The following TMPRSS2 variants were observed in gnomAD, a reference collection of about 807,000 sequenced individuals.
TMPRSS2 encodes the protein transmembrane protease serine 2.
Under a neutral mutation model 67.4 loss-of-function variants are expected in TMPRSS2, and 59 were observed. The observed-to-expected ratio is 0.88, with a 90% CI of 0.71 to 1.09. TMPRSS2 has a LOEUF of 1.09. TMPRSS2 is among the 50% of genes least tolerant of loss of function. The pLI is 0.00. For synonymous variants in TMPRSS2, 257 were observed against 257.0 expected, an observed-to-expected ratio of 1.00 and a Z score of 0.00; for missense variants, 668 against 642.7, an observed-to-expected ratio of 1.04 and a Z score of -0.43.
intron 1 of TMPRSS2, among the ~76,000 whole-genome samples, chr21:41,505,834 G>A (rs1485617483): frequency 6.6e-6 from 1 of 152,166 alleles, no homozygotes; most frequent in Non-Finnish European, 1.5e-5. Context: ...TGTCACTAAA[G>A]CCCCTTCTAA....
At chr21:41,483,899 G>C (rs1399627247) in intron 5 of TMPRSS2, among the ~76,000 whole-genome samples, 2 of 151,954 alleles carry the variant, frequency 1.3e-5, no homozygotes, top group African/African-American at 4.8e-5. Flanking sequence ...GAAGGGCAAG[G>C]CGGGAGGATC....
chr21:41,468,006 T>A, intron 12 of TMPRSS2, 120 bp from the exon 13 acceptor site: 1 of 1,076,708 alleles, frequency 9.3e-7, no homozygotes, highest in Non-Finnish European at 1.4e-6. Context: ...AGTGACTGTG[T>A]GGGCTTCGAA....
intron 12 of TMPRSS2, 51 bp downstream of exon 12, chr21:41,468,345 G>A (rs113438095): frequency 6.8e-6 from 11 of 1,605,886 alleles, no homozygotes; most frequent in African/African-American, 6.7e-5. Flanking sequence ...CTCATGGGGG[G>A]TTCAGTAGGA....
intron 5 of TMPRSS2, among the ~76,000 whole-genome samples, chr21:41,485,330 A>C (rs1202874416): frequency 6.6e-6 from 1 of 152,114 alleles, no homozygotes; most frequent in Non-Finnish European, 1.5e-5. Context: ...TTATTCACCC[A>C]CATGTGCACA....
intron 1 of TMPRSS2, among the ~76,000 whole-genome samples, chr21:41,499,852 T>C (rs2091411521): frequency 6.6e-6 from 1 of 152,194 alleles, no homozygotes; most frequent in South Asian, 2.1e-4. Flanking sequence ...AGGGCTTTTT[T>C]CCACCCCTTC....
chr21:41,480,657 G>C (rs2091250084), intron 5 of TMPRSS2, 55 bp from the exon 6 acceptor site: 1 of 1,588,926 alleles, frequency 6.3e-7, no homozygotes, highest in Non-Finnish European at 8.6e-7. Context: ...TCTTTTTTTT[G>C]AGACGGAGTC....
chr21:41,471,557 C>A (rs1366658007), intron 10 of TMPRSS2, among the ~76,000 whole-genome samples: 1 of 152,158 alleles, frequency 6.6e-6, no homozygotes, highest in Non-Finnish European at 1.5e-5. Context: ...CCTGTTCTAG[C>A]CTTTTCCATG....
chr21:41,489,425 C>T (rs2091320014), intron 4 of TMPRSS2, 82 bp downstream of exon 4: 5 of 1,217,316 alleles, frequency 4.1e-6, no homozygotes, highest in Non-Finnish European at 5.9e-6. Flanking sequence ...CCAGAGGTCT[C>T]AATAGCCCAG....
At chr21:41,480,327 CA>C in intron 6 of TMPRSS2, 148 bp downstream of exon 6, 1 of 1,338,002 alleles carries the variant, frequency 7.5e-7, no homozygotes, top group Non-Finnish European at 1.0e-6. Flanking sequence ...GGACAAATTC[CA>C]CCTGCTGGTT....
chr21:41,482,743 A>G (rs372703935), intron 5 of TMPRSS2, among the ~76,000 whole-genome samples: 1 of 152,248 alleles, frequency 6.6e-6, no homozygotes, highest in East Asian at 1.9e-4. Flanking sequence ...ACAACGGAAT[A>G]TTATTTGGTG....
chr21:41,475,829 G>A (rs1263888799), intron 8 of TMPRSS2, among the ~76,000 whole-genome samples: 1 of 151,760 alleles, frequency 6.6e-6, no homozygotes, highest in African/African-American at 2.4e-5. Flanking sequence ...ATGGGCAGAG[G>A]GCAGGGCGGG....
chr21:41,493,867 C>T (rs1314343666), intron 3 of TMPRSS2, among the ~76,000 whole-genome samples: 1 of 152,260 alleles, frequency 6.6e-6, no homozygotes, highest in Non-Finnish European at 1.5e-5. Context: ...CCCAATGAGA[C>T]AGCTCAGATA....
intron 5 of TMPRSS2, among the ~76,000 whole-genome samples, chr21:41,483,683 A>G (rs1413327766): frequency 1.3e-5 from 2 of 150,180 alleles, no homozygotes; most frequent in East Asian, 3.9e-4. Context: ...AATTTTAGGG[A>G]TTTTCTTTCC....
At chr21:41,492,231 C>A (rs1274689267) in intron 3 of TMPRSS2, among the ~76,000 whole-genome samples, 1 of 151,970 alleles carries the variant, frequency 6.6e-6, no homozygotes, top group African/African-American at 2.4e-5. Context: ...AAAAAACCCA[C>A]GCACACAAAA....
At chr21:41,497,169 AT>A (rs2146492530) in intron 2 of TMPRSS2, among the ~76,000 whole-genome samples, 1 of 152,248 alleles carries the variant, frequency 6.6e-6, no homozygotes, top group Non-Finnish European at 1.5e-5. Flanking sequence ...ACCTCAGAGA[AT>A]GACAGCAAGT....
chr21:41,485,190 C>T (rs1430805670), intron 5 of TMPRSS2, among the ~76,000 whole-genome samples: 1 of 151,484 alleles, frequency 6.6e-6, no homozygotes, highest in Non-Finnish European at 1.5e-5. Context: ...ACAGCATACC[C>T]TTTTGTACTT....
In TMPRSS2 at chr21:41,489,560, AG is replaced by A; in HGVS notation, c.271del (p.Leu91TrpfsTer28). 1 of 1,614,200 alleles carries A rather than the reference AG, an allele frequency of 6.2e-7. No individual in the cohort carries two copies. Among genetic ancestry groups the A allele is most frequent in the Non-Finnish European group, 8.5e-7 (1 of 1,180,020 alleles). ...CGCAGCTCCCACGAGGAAGGTCCCC[AG>A]GGTCAAGGTGATGCACAGTGCTTTC... ...TKKALCITLT[L>X]GTFLVGAALA... On this transcript the variant is annotated frameshift_variant, in exon 4 of 14. Coordinates refer to ENST00000332149, the MANE Select transcript of TMPRSS2 (RefSeq NM_005656.4). LOFTEE classifies it high-confidence loss of function.
rs545726689 is a variant in TMPRSS2 at position 41,471,868 on chromosome 21, T to A, written c.1013A>T (p.Asp338Val). The change falls in exon 10 of 14, where the codon GAC (aspartate) becomes GTC (valine). Residue 338 changes from aspartate (D) to valine (V), a missense_variant. Asp to Val is a radical substitution (Grantham distance 152). Transcript: ENST00000332149. ...VEKVISHPNY[D>V]SKTKNNDIAL... Reference sequence around the variant, plus strand: ...AATGTCATTGTTCTTGGTCTTGGAGTCATAATTTGGATGAGAAATCACTTT... The same window carrying A: ...AATGTCATTGTTCTTGGTCTTGGAGACATAATTTGGATGAGAAATCACTTT... 2 of 1,613,420 alleles carry A rather than the reference T, an allele frequency of 1.2e-6. No individual in the cohort carries two copies. The highest frequency in any genetic ancestry group is 2.2e-5 in the South Asian group (2 of 91,058).
chr21:41,466,040 A>C lies in TMPRSS2; in HGVS notation c.*102T>G. 7.1e-7 allele frequency: 1 copy of C among 1,411,780 alleles called. No individual in the cohort carries two copies. The highest frequency in any genetic ancestry group is 1.2e-5 in the South Asian group (1 of 83,114). 87.5% of individuals were successfully genotyped at this position (1,411,780 alleles called of 1,614,324 possible). On this transcript the variant is annotated 3_prime_UTR_variant, in exon 14 of 14. Coordinates refer to ENST00000332149, the MANE Select transcript of TMPRSS2 (RefSeq NM_005656.4). ...CAAGTTCACTGTTTAATAAAAATGA[A>C]GTGACCTCTGAATCATCTCTAAGAG...
Sources: allele counts gnomAD v4.1 joint callset (sites outside exome capture counted in the v4.1 genomes callset), GRCh38; gene constraint gnomAD v4.1.1; transcripts MANE v1.5; gene names NCBI Gene and HGNC (gene_info 2026-07-23, HGNC 2026-07-21).